Variants in PRDM4 observed in about 807,000 individuals in gnomAD.
The protein encoded by PRDM4 is PR/SET domain 4.
A neutral mutation model predicts 62.3 loss-of-function variants in PRDM4; 38 were observed. That is an observed-to-expected ratio of 0.61 (90% CI 0.47 to 0.80). The LOEUF (loss-of-function observed/expected upper bound fraction) is 0.80. Among genes scored for constraint, PRDM4 ranks in the 30% least tolerant of loss-of-function variants. The probability of loss-of-function intolerance (pLI) is 0.00; values close to 1 mark genes in which losing one functional copy is unlikely to be tolerated. For missense variants in PRDM4, 858 were observed against 997.1 expected, an observed-to-expected ratio of 0.86 and a Z score of 1.88; for synonymous variants, 339 against 348.2, an observed-to-expected ratio of 0.97 and a Z score of 0.30.
At chr12:107,755,294 C>T (rs778872633) in intron 3 of PRDM4, among the ~76,000 whole-genome samples, 1 of 151,796 alleles carries the variant, frequency 6.6e-6, no homozygotes, top group Non-Finnish European at 1.5e-5. Flanking sequence ...GATGGGGTCT[C>T]CTTATGTTAC....
At chr12:107,747,848 T>C (rs1204872575) in intron 5 of PRDM4, among the ~76,000 whole-genome samples, 1 of 152,058 alleles carries the variant, frequency 6.6e-6, no homozygotes, top group Non-Finnish European at 1.5e-5. Flanking sequence ...AAGGCTGGAG[T>C]GCAGTGGCGT....
chr12:107,753,273 T>C (rs1363720643), intron 4 of PRDM4, among the ~76,000 whole-genome samples: 2 of 151,844 alleles, frequency 1.3e-5, no homozygotes, highest in African/African-American at 4.8e-5. Context: ...GGCATGTGCC[T>C]GTATTCCAAG....
intron 3 of PRDM4, among the ~76,000 whole-genome samples, chr12:107,755,210 T>C (rs1029500343): frequency 3.9e-5 from 6 of 152,158 alleles, no homozygotes; most frequent in Admixed American, 2.0e-4. Context: ...CAGCCTCCTA[T>C]GTAGCTCCTA....
intron 6 of PRDM4, among the ~76,000 whole-genome samples, chr12:107,745,396 T>C (rs1890666291): frequency 6.6e-6 from 1 of 152,028 alleles, no homozygotes; most frequent in South Asian, 2.1e-4. Context: ...ATGCTGTCTC[T>C]ACAAAAAAAA....
intron 2 of PRDM4, 25 bp downstream of exon 2, chr12:107,760,480 T>G (rs760725164): frequency 6.2e-7 from 1 of 1,613,418 alleles, no homozygotes; most frequent in South Asian, 1.1e-5. Context: ...ATGTCACCAG[T>G]GCTGAAGCCC....
intron 11 of PRDM4, among the ~76,000 whole-genome samples, chr12:107,737,163 A>G (rs1204784555): frequency 6.6e-6 from 1 of 151,296 alleles, no homozygotes; most frequent in African/African-American, 2.4e-5. Context: ...AGGTTCTGTC[A>G]CCACCCTTCC....
chr12:107,747,447 T>C (rs1890743089), intron 5 of PRDM4, among the ~76,000 whole-genome samples: 1 of 152,144 alleles, frequency 6.6e-6, no homozygotes, highest in Non-Finnish European at 1.5e-5. Flanking sequence ...GGACACATTC[T>C]TAAGACAAAA....
chr12:107,751,394 A>C (rs1371165056), intron 5 of PRDM4, 21 bp downstream of exon 5: 1 of 1,576,902 alleles, frequency 6.3e-7, no homozygotes, highest in African/African-American at 1.4e-5. Context: ...TTTCCAAAAA[A>C]GAAAGGCTAA....
intron 5 of PRDM4, among the ~76,000 whole-genome samples, chr12:107,747,127 A>AC (rs879448441): frequency 2.0e-5 from 3 of 152,132 alleles, no homozygotes; most frequent in Admixed American, 2.0e-4. Flanking sequence ...TTTAAAAAAA[A>AC]TTAAAAATAA....
intron 7 of PRDM4, 131 bp downstream of exon 7, chr12:107,744,412 G>A (rs532174826): frequency 6.2e-4 from 632 of 1,022,658 alleles, no homozygotes; most frequent in Non-Finnish European, 8.3e-4. Flanking sequence ...AAAAATGTAC[G>A]TGAAATAAAT....
chr12:107,749,815 A>G (rs1890834432), intron 5 of PRDM4, among the ~76,000 whole-genome samples: 1 of 152,086 alleles, frequency 6.6e-6, no homozygotes, highest in Non-Finnish European at 1.5e-5. Context: ...AAAACTCTTG[A>G]CCGGTCTTAA....
At chr12:107,754,176 C>A in intron 3 of PRDM4, 67 bp from the exon 4 acceptor site, 1 of 1,276,938 alleles carries the variant, frequency 7.8e-7, no homozygotes, top group South Asian at 1.5e-5. Context: ...ACTACAACCA[C>A]TGGCTAAACT....
At chr12:107,750,466 C>T (rs1890852971) in intron 5 of PRDM4, among the ~76,000 whole-genome samples, 1 of 152,110 alleles carries the variant, frequency 6.6e-6, no homozygotes, top group East Asian at 1.9e-4. Context: ...ATCACTTGAG[C>T]CCAGGAGGTC....
At chr12:107,758,238 CTTTTTTTTTTTTTT>C (rs3070881) in intron 2 of PRDM4, 3 of 101,884 alleles carry the variant, frequency 2.9e-5, no homozygotes, top group East Asian at 6.2e-4. Context: ...TCTTAATCTT[CTTTTTTTTTTTTTT>C]TTTTTTTTTG....
chr12:107,760,451 C>G (rs1383965035), intron 2 of PRDM4, 54 bp downstream of exon 2: 3 of 1,609,208 alleles, frequency 1.9e-6, no homozygotes, highest in Non-Finnish European at 2.5e-6. Context: ...TGGACACTCA[C>G]TCGCCAGAGT....
Position 107,751,686 on chromosome 12 carries a change from G to A in PRDM4, c.855C>T (p.Leu285=), listed in dbSNP as rs1298573474. 6 of 1,614,172 alleles carry A rather than the reference G, an allele frequency of 3.7e-6. No homozygotes were observed. The highest frequency in any genetic ancestry group is 1.1e-5 in the South Asian group (1 of 91,076). The part of the protein sequence containing the change: ...SRVNGMSDSA[L]SDSIHTVAMS... ...TGGCCACAGTGTGAATGGAGTCACT[G>A]AGGGCACTGTCAGACATGCCATTGA... is the stretch of plus-strand genomic sequence containing the variant. The change falls in exon 5 of 12, where the codon CTC becomes CTT. Residue 285 remains leucine (L), a synonymous_variant. Coordinates refer to ENST00000228437, the MANE Select transcript of PRDM4 (RefSeq NM_012406.4).
At position 107,740,981 on chromosome 12, in the gene PRDM4, G is replaced by A; in HGVS notation, c.1889C>T (p.Pro630Leu). 6.2e-7 allele frequency: 1 copy of A among 1,614,038 alleles called. No individual in the cohort carries two copies. ...CTTGAGGTGGGTCCGCAGGTTGCTG[G>A]GATCACTAAAAGCCTTGCTACAGAA... is the stretch of plus-strand genomic sequence containing the variant. ...CDFCSKAFSD[P>L]SNLRTHLKIH... is the part of the protein sequence containing the mutation. The change falls in exon 10 of 12, where the codon CCC (proline) becomes CTC (leucine). Residue 630 changes from proline to leucine, a missense_variant. Transcript: ENST00000228437.
chr12:107,754,166 A>C, intron 3 of PRDM4, 57 bp from the exon 4 acceptor site: 29 of 1,340,802 alleles, frequency 2.2e-5, no homozygotes, highest in Non-Finnish European at 2.8e-5. Context: ...AAAAATTCTC[A>C]CTACAACCAC....
chr12:107,752,160 A>T lies in PRDM4; in HGVS notation c.381T>A (p.Pro127=). Residue 127 remains proline, a synonymous_variant, in exon 5 of 12, where the codon CCT becomes CCA. Coordinates refer to ENST00000228437, the MANE Select transcript of PRDM4 (RefSeq NM_012406.4). ...TATTACCATCAACATTTATAGAGTT[A>T]GGGTGGATGTACTGTGGAGGTGGTC... is the stretch of plus-strand genomic sequence containing the variant. ...ADRPPPQYIH[P]NSINVDGNTA... 6.3e-7 allele frequency: 1 copy of T among 1,599,462 alleles called. No individual in the cohort carries two copies. Among genetic ancestry groups the T allele is most frequent in the Non-Finnish European group, 8.6e-7 (1 of 1,166,592 alleles).
Sources: gnomAD v4.1 joint callset for allele counts (sites outside exome capture counted in the v4.1 genomes callset) on GRCh38, gnomAD v4.1.1 for gene constraint, MANE v1.5 for transcripts, NCBI Gene and HGNC (gene_info 2026-07-23, HGNC 2026-07-21) for gene names.